The following CALN1 variants were observed in gnomAD, a reference collection of about 807,000 sequenced individuals.
CALN1 encodes the protein calcium-binding protein 8.
Under a neutral mutation model 30.6 loss-of-function variants are expected in CALN1, and 17 were observed. That is an observed-to-expected ratio of 0.56 (90% confidence interval 0.38 to 0.83). The LOEUF is 0.83. CALN1 is among the 40% of genes least tolerant of loss of function. The pLI, the probability that CALN1 is intolerant of heterozygous loss-of-function variation, is 0.00. For synonymous variants in CALN1, 156 were observed against 131.4 expected (o/e 1.19, Z -1.28); for missense variants, 291 against 354.9 (o/e 0.82, Z 1.45).
chr7:71,949,953 G>A (rs1796605046), intron 5 of CALN1, among the ~76,000 whole-genome samples: 3 of 151,938 alleles, frequency 2.0e-5, no homozygotes, highest in Non-Finnish European at 1.5e-5. Flanking sequence ...TAGTAGAGAC[G>A]GGGTTTCACT....
chr7:72,099,068 C>T (rs565553119), intron 4 of CALN1, among the ~76,000 whole-genome samples: 6 of 152,250 alleles, frequency 3.9e-5, no homozygotes, highest in Admixed American at 3.3e-4. Context: ...GGCCTCGTGC[C>T]GAAGGTATGA....
intron 3 of CALN1, among the ~76,000 whole-genome samples, chr7:72,210,169 C>A (rs192839363): frequency 1.1e-3 from 171 of 152,212 alleles, no homozygotes; most frequent in African/African-American, 3.8e-3. Context: ...CAGCCATCCA[C>A]CTCCTGCCTC....
chr7:72,123,921 A>G (rs1306182519), intron 3 of CALN1, among the ~76,000 whole-genome samples: 10 of 152,178 alleles, frequency 6.6e-5, no homozygotes, highest in African/African-American at 2.4e-4. Context: ...CACTGGCTCC[A>G]GCTTGAAAAA....
intron 2 of CALN1, among the ~76,000 whole-genome samples, chr7:72,399,584 GT>G (rs1160582087): frequency 1.3e-5 from 2 of 152,010 alleles, no homozygotes. Context: ...TATTGCTTTT[GT>G]TCCGTAAGTC....
At chr7:71,973,858 A>G (rs542440491) in intron 5 of CALN1, among the ~76,000 whole-genome samples, 44 of 152,336 alleles carry the variant, frequency 2.9e-4, no homozygotes, top group Non-Finnish European at 4.9e-4. Context: ...TTGAGGGTAT[A>G]AAAGGATGCT....
chr7:71,815,679 CTCT>C (rs1788216681), intron 5 of CALN1, among the ~76,000 whole-genome samples: 1 of 152,088 alleles, frequency 6.6e-6, no homozygotes, highest in African/African-American at 2.4e-5. Context: ...AAGTTTTAGA[CTCT>C]TTTTTCCCTC....
chr7:72,051,021 T>C (rs1273344994), intron 4 of CALN1, among the ~76,000 whole-genome samples: 1 of 149,550 alleles, frequency 6.7e-6, no homozygotes, highest in African/African-American at 2.5e-5. Flanking sequence ...AATAAATAAA[T>C]AAATAAATAA....
chr7:72,462,681 G>A, the CALN1 span, among the ~76,000 whole-genome samples: 102 of 152,372 alleles, frequency 6.7e-4, no homozygotes, highest in Non-Finnish European at 1.2e-3. Flanking sequence ...AGGTTCACCT[G>A]CCAGGTGGGA....
At chr7:72,201,946 GA>G (rs1451478319) in intron 3 of CALN1, among the ~76,000 whole-genome samples, 1 of 152,108 alleles carries the variant, frequency 6.6e-6, no homozygotes, top group Non-Finnish European at 1.5e-5. Flanking sequence ...ACCTTGCTTT[GA>G]AATAAAGCGG....
At chr7:71,996,366 G>C (rs1405697478) in intron 5 of CALN1, among the ~76,000 whole-genome samples, 1 of 152,174 alleles carries the variant, frequency 6.6e-6, no homozygotes, top group Non-Finnish European at 1.5e-5. Context: ...GTCAGACATT[G>C]AAATCATCCA....
intron 2 of CALN1, among the ~76,000 whole-genome samples, chr7:72,402,953 A>G (rs1027329965): frequency 6.6e-6 from 1 of 152,202 alleles, no homozygotes; most frequent in Admixed American, 6.5e-5. Context: ...ATGCTAGTAC[A>G]TAGTCCACAC....
chr7:72,391,422 G>A (rs1176425078), intron 2 of CALN1, among the ~76,000 whole-genome samples: 8 of 152,164 alleles, frequency 5.3e-5, no homozygotes, highest in African/African-American at 1.9e-4. Flanking sequence ...CAAGACACCA[G>A]AAGATCCCAA....
intron 5 of CALN1, among the ~76,000 whole-genome samples, chr7:71,840,395 G>A (rs2116490464): frequency 6.7e-6 from 1 of 149,768 alleles, no homozygotes; most frequent in South Asian, 2.1e-4. Flanking sequence ...TGAGTTGGGA[G>A]GATCATTTGA....
chr7:72,266,085 G>A (rs1796575944), intron 3 of CALN1, among the ~76,000 whole-genome samples: 1 of 151,706 alleles, frequency 6.6e-6, no homozygotes, highest in Non-Finnish European at 1.5e-5. Flanking sequence ...AGTGAGCAGT[G>A]AAGGCACCAC....
At chr7:72,376,111 A>G (rs1270374916) in intron 2 of CALN1, among the ~76,000 whole-genome samples, 1 of 152,192 alleles carries the variant, frequency 6.6e-6, no homozygotes, top group Non-Finnish European at 1.5e-5. Context: ...CACTTTATGG[A>G]TTATATCATC....
intron 1 of CALN1, among the ~76,000 whole-genome samples, chr7:72,428,750 G>T (rs890076806): frequency 5.3e-5 from 8 of 152,160 alleles, no homozygotes; most frequent in Admixed American, 6.5e-5. Flanking sequence ...TGTAATACCA[G>T]CACTTTGAGA....
chr7:72,406,351 G>C (rs1179599369), intron 1 of CALN1, among the ~76,000 whole-genome samples: 1 of 152,170 alleles, frequency 6.6e-6, no homozygotes, highest in Non-Finnish European at 1.5e-5. Flanking sequence ...GGCACCTCCT[G>C]AGTCCTCACA....
intron 5 of CALN1, among the ~76,000 whole-genome samples, chr7:71,951,210 A>G (rs190755139): frequency 5.9e-5 from 9 of 152,302 alleles, no homozygotes; most frequent in Admixed American, 4.6e-4. Flanking sequence ...TTTATATGGC[A>G]TAAGGGACTT....
chr7:71,837,334 T>C (rs1384357314), intron 5 of CALN1, among the ~76,000 whole-genome samples: 1 of 150,222 alleles, frequency 6.7e-6, no homozygotes, highest in African/African-American at 2.4e-5. Flanking sequence ...AATAGATGTC[T>C]AGCCTTAGAC....
Sources: gnomAD v4.1 joint callset for allele counts (sites outside exome capture counted in the v4.1 genomes callset) on GRCh38, gnomAD v4.1.1 for gene constraint, MANE v1.5 for transcripts, NCBI Gene and HGNC (gene_info 2026-07-23, HGNC 2026-07-21) for gene names.